Variants in ZFAND6 observed in about 807,000 individuals in gnomAD.
ZFAND6 encodes zinc finger AN1-type containing 6.
ZFAND6 carries 12 observed loss-of-function variants against 24.5 expected under a neutral mutation model. The ratio of observed to expected loss-of-function variants is 0.49; its 90% confidence interval spans 0.31 to 0.79. ZFAND6 has a LOEUF of 0.79. ZFAND6 is among the 30% of genes least tolerant of loss of function. The pLI is 0.04. For missense variants in ZFAND6, 207 were observed against 245.9 expected (o/e 0.84, Z 1.06); for synonymous variants, 92 against 81.5 (o/e 1.13, Z -0.69).
chr15:80,123,695 G>A (rs552957871), intron 5 of ZFAND6, among the ~76,000 whole-genome samples: 28 of 152,320 alleles, frequency 1.8e-4, no homozygotes, highest in African/African-American at 6.3e-4. Context: ...TTGAGTCTGG[G>A]AGTTTGAGAC....
chr15:80,121,718 C>T lies in ZFAND6; in HGVS notation c.161C>T (p.Ser54Phe), dbSNP rs1253475308. The T allele has an allele frequency of 6.2e-7, 1 of 1,613,706 alleles. No individual in the cohort carries two copies. Among genetic ancestry groups the T allele is most frequent in the South Asian group, 1.1e-5 (1 of 91,060 alleles). ...SNGRISPPAT[S>F]VSSLSESLPV... ...CAATGTGGTACTGTTACAGCAACCT[C>T]TGTCAGTAGTCTGTCTGAATCTTTA... Residue 54 changes from serine to phenylalanine, a missense_variant, in exon 4 of 7, where the codon TCT becomes TTT. By Grantham distance (155) the Ser-to-Phe change is radical (BLOSUM62 -2). Around this residue, in one of 3 missense-constraint regions of ZFAND6, gnomAD observed 133 missense variants for 122.8 expected, o/e 1.08. Transcript: ENST00000261749.
chr15:80,099,208 G>A (rs1225931694), intron 2 of ZFAND6, among the ~76,000 whole-genome samples: 6 of 151,578 alleles, frequency 4.0e-5, no homozygotes, highest in Non-Finnish European at 7.4e-5. Context: ...TTCCTTTAAG[G>A]TGTTAAAGTT....
At position 80,137,835 on chromosome 15, in the gene ZFAND6, G is replaced by C. The variant is rs1214517731; in HGVS notation, c.*207G>C. The C allele has an allele frequency of 4.5e-6, 2 of 446,826 alleles. No homozygotes were observed. Among genetic ancestry groups the C allele is most frequent in the African/African-American group, 2.1e-5 (1 of 48,592 alleles). 27.7% of individuals were successfully genotyped at this position (446,826 alleles called of 1,614,324 possible). A position where few individuals can be genotyped will look rare whatever the true frequency, so the allele number is the denominator to read the frequency against. ...GGCTGAGGAGACTTAAACTTTACAA[G>C]TATTATCCTTTTAAGATCATTTTAA... On this transcript the variant is annotated 3_prime_UTR_variant, in exon 7 of 7. Coordinates refer to ENST00000261749, the MANE Select transcript of ZFAND6 (RefSeq NM_019006.4).
At chr15:80,131,760 T>G (rs1019557232) in intron 6 of ZFAND6, among the ~76,000 whole-genome samples, 1 of 152,226 alleles carries the variant, frequency 6.6e-6, no homozygotes, top group African/African-American at 2.4e-5. Flanking sequence ...AGCTATCAGA[T>G]GCAGATGGTG....
At chr15:80,073,662 A>T (rs2037104684) in intron 1 of ZFAND6, among the ~76,000 whole-genome samples, 1 of 151,858 alleles carries the variant, frequency 6.6e-6, no homozygotes, top group East Asian at 1.9e-4. Flanking sequence ...CTATCTACCC[A>T]CCAGCAGATC....
chr15:80,137,705 G>T lies in ZFAND6; in HGVS notation c.*77G>T. On this transcript the variant is annotated 3_prime_UTR_variant, in exon 7 of 7. Transcript: ENST00000261749. Reference sequence around the variant, plus strand: ...TGAGGTTTTTTTTTTCCTAGTCATTGGGAATGTAGAGCAGTGTATCTTGCA... The same window carrying T: ...TGAGGTTTTTTTTTTCCTAGTCATTTGGAATGTAGAGCAGTGTATCTTGCA... 7.0e-7 allele frequency: 1 copy of T among 1,433,158 alleles called. No individual in the cohort carries two copies. The allele number at this position is 1,433,158 out of a possible 1,614,324, so 88.8% of individuals were successfully genotyped here. A position where few individuals can be genotyped will look rare whatever the true frequency, so the allele number is the denominator to read the frequency against.
rs113072174 is a variant in ZFAND6, at chr15:80,088,039, A to G, written c.-180-10377A>G. On this transcript the variant is annotated intron_variant, in intron 1 of 6. Transcript: ENST00000261749. ...TTCTCTTACACAGTGTGATTAAGTT[A>G]TCAAAATCAGGAATTTTAACTTTTA... is the stretch of plus-strand genomic sequence containing the variant. Among the ~76,000 whole-genome samples, 1,386 of 152,306 alleles carry G rather than the reference A, an allele frequency of 9.1e-3. 26 individuals carry two copies. The highest frequency in any genetic ancestry group is 0.032 in the African/African-American group (1,316 of 41,552).
intron 2 of ZFAND6, among the ~76,000 whole-genome samples, chr15:80,116,741 A>G (rs1418761866): frequency 6.6e-6 from 1 of 152,216 alleles, no homozygotes; most frequent in African/African-American, 2.4e-5. Context: ...CCCAACACAA[A>G]TTCATAAACT....
chr15:80,125,323 A>G (rs184772273), intron 5 of ZFAND6, among the ~76,000 whole-genome samples: 1 of 152,246 alleles, frequency 6.6e-6, no homozygotes, highest in Non-Finnish European at 1.5e-5. Flanking sequence ...CTCACTCCAT[A>G]TGCTTCCCTC....
chr15:80,126,962 A>G (rs1258980813), intron 5 of ZFAND6, among the ~76,000 whole-genome samples: 3 of 151,958 alleles, frequency 2.0e-5, no homozygotes, highest in Non-Finnish European at 4.4e-5. Context: ...AAAATAGCCG[A>G]GTGTGGTGGC....
intron 1 of ZFAND6, among the ~76,000 whole-genome samples, chr15:80,088,151 C>G (rs2038117785): frequency 1.3e-5 from 2 of 152,104 alleles, no homozygotes; most frequent in Middle Eastern, 6.8e-3. Flanking sequence ...TTTTGGTTTG[C>G]TTTGTTTTTT....
intron 1 of ZFAND6, among the ~76,000 whole-genome samples, chr15:80,064,288 A>G (rs947948312): frequency 1.3e-5 from 2 of 152,194 alleles, no homozygotes; most frequent in South Asian, 4.1e-4. Flanking sequence ...CTAACATCAA[A>G]CTTTAATATC....
intron 6 of ZFAND6, among the ~76,000 whole-genome samples, chr15:80,136,648 G>T (rs1370496257): frequency 1.3e-5 from 2 of 152,162 alleles, no homozygotes; most frequent in East Asian, 3.8e-4. Context: ...TGTGGCAATG[G>T]AGGTTAACAT....
chr15:80,105,152 T>C (rs1035147178), intron 2 of ZFAND6, among the ~76,000 whole-genome samples: 6 of 152,364 alleles, frequency 3.9e-5, no homozygotes, highest in Middle Eastern at 6.8e-3. Flanking sequence ...TACTTGCTTT[T>C]ATCCTTCCTT....
At chr15:80,108,268 A>G (rs2039437708) in intron 2 of ZFAND6, among the ~76,000 whole-genome samples, 1 of 152,152 alleles carries the variant, frequency 6.6e-6, no homozygotes, top group Non-Finnish European at 1.5e-5. Context: ...ATTCATTTAC[A>G]ATTGAAGATT....
chr15:80,081,471 C>G (rs577701239), intron 1 of ZFAND6, among the ~76,000 whole-genome samples: 1 of 152,286 alleles, frequency 6.6e-6, no homozygotes, highest in Admixed American at 6.5e-5. Context: ...CAGAACAGTT[C>G]AGGAGGACTG....
intron 1 of ZFAND6, among the ~76,000 whole-genome samples, chr15:80,088,682 C>T (rs1351396618): frequency 3.3e-5 from 5 of 152,300 alleles, no homozygotes; most frequent in Non-Finnish European, 7.3e-5. Context: ...TTACAAATAC[C>T]TGTATCTTCA....
intron 2 of ZFAND6, among the ~76,000 whole-genome samples, chr15:80,100,414 C>CT (rs1199855361): frequency 1.3e-5 from 2 of 152,120 alleles, no homozygotes; most frequent in East Asian, 3.9e-4. Flanking sequence ...AAGAGAGTTG[C>CT]TTTTATCACT....
chr15:80,126,011 G>A (rs2040355897), intron 5 of ZFAND6, among the ~76,000 whole-genome samples: 1 of 152,152 alleles, frequency 6.6e-6, no homozygotes, highest in South Asian at 2.1e-4. Flanking sequence ...GAGTAAGAGA[G>A]AATTTTGAAG....
Sources: allele counts gnomAD v4.1 joint callset (sites outside exome capture counted in the v4.1 genomes callset), GRCh38; gene constraint gnomAD v4.1.1; regional missense constraint gnomAD v4.1.1; transcripts MANE v1.5; gene names NCBI Gene and HGNC (gene_info 2026-07-23, HGNC 2026-07-21).